The following PCDH15 variants were observed in gnomAD, a reference collection of about 807,000 sequenced individuals.
The protein encoded by PCDH15 is protocadherin related 15.
In PCDH15, 129 loss-of-function variants were observed where a neutral mutation model predicts 178.5. The ratio of observed to expected loss-of-function variants is 0.72; its 90% CI spans 0.63 to 0.84. The LOEUF (loss-of-function observed/expected upper bound fraction) is 0.84. PCDH15 is among the 40% of genes least tolerant of loss of function. The pLI is 0.00. For synonymous variants in PCDH15, 800 were observed against 732.0 expected (o/e 1.09, Z -1.50); for missense variants, 2,230 against 2,099.9 (o/e 1.06, Z -1.21).
chr10:55,317,910 G>A (rs1843769031), intron 1 of PCDH15, among the ~76,000 whole-genome samples: 1 of 152,182 alleles, frequency 6.6e-6, no homozygotes, highest in South Asian at 2.1e-4. Flanking sequence ...GTTTGGGTCT[G>A]CTAAAAACTA....
chr10:54,918,077 C>T (rs978407963), intron 2 of PCDH15, among the ~76,000 whole-genome samples: 4 of 151,114 alleles, frequency 2.6e-5, no homozygotes, highest in African/African-American at 9.7e-5. Context: ...TTATGTTAAA[C>T]ACATCATAAC....
intron 2 of PCDH15, among the ~76,000 whole-genome samples, chr10:55,547,142 G>T (rs1291261787): frequency 6.6e-6 from 1 of 152,132 alleles, no homozygotes; most frequent in African/African-American, 2.4e-5. Flanking sequence ...GCAGCCCGGG[G>T]ACGTTGATAT....
intron 3 of PCDH15, among the ~76,000 whole-genome samples, chr10:54,446,861 A>G (rs1013333075): frequency 6.6e-6 from 1 of 151,558 alleles, no homozygotes; most frequent in Non-Finnish European, 1.5e-5. Flanking sequence ...AAGCAGGAGA[A>G]GATAACTTCA....
intron 2 of PCDH15, among the ~76,000 whole-genome samples, chr10:55,449,950 T>C (rs1312217740): frequency 1.3e-5 from 2 of 152,166 alleles, no homozygotes; most frequent in Non-Finnish European, 2.9e-5. Context: ...CCAATCATTT[T>C]GAGTGTAGGT....
chr10:54,738,347 A>T (rs2065762308), intron 1 of PCDH15, among the ~76,000 whole-genome samples: 1 of 152,110 alleles, frequency 6.6e-6, no homozygotes. Flanking sequence ...CAAAAGACAC[A>T]TCTAGCATAA....
chr10:53,843,325 A>C (rs1481016119), intron 28 of PCDH15, among the ~76,000 whole-genome samples: 3 of 152,184 alleles, frequency 2.0e-5, no homozygotes, highest in African/African-American at 7.2e-5. Flanking sequence ...CTATCTTTTC[A>C]TTTATCATCT....
intron 3 of PCDH15, among the ~76,000 whole-genome samples, chr10:54,838,354 G>A (rs1413341635): frequency 6.6e-6 from 1 of 152,026 alleles, no homozygotes; most frequent in Admixed American, 6.6e-5. Context: ...AGATCTGATG[G>A]TTTTAGAAAA....
At chr10:54,113,901 G>A (rs559386006) in intron 15 of PCDH15, among the ~76,000 whole-genome samples, 4 of 152,220 alleles carry the variant, frequency 2.6e-5, no homozygotes, top group African/African-American at 4.8e-5. Flanking sequence ...AGGCAGAGGA[G>A]GAGAAAGGCA....
At chr10:55,114,513 G>A (rs1026246712) in intron 2 of PCDH15, among the ~76,000 whole-genome samples, 3 of 152,170 alleles carry the variant, frequency 2.0e-5, no homozygotes, top group Non-Finnish European at 4.4e-5. Flanking sequence ...TAAGCACACA[G>A]CTATCTAACT....
At chr10:55,071,284 A>G (rs574300257) in intron 2 of PCDH15, among the ~76,000 whole-genome samples, 119 of 105,858 alleles carry the variant, frequency 1.1e-3, no homozygotes, top group African/African-American at 3.2e-3. Flanking sequence ...AAATGCTCCA[A>G]TTAAAAGACA....
At chr10:54,915,751 T>G (rs2131839029) in intron 2 of PCDH15, among the ~76,000 whole-genome samples, 1 of 152,300 alleles carries the variant, frequency 6.6e-6, no homozygotes, top group Non-Finnish European at 1.5e-5. Context: ...TTAAGAATAT[T>G]TCATTCCCAT....
intron 3 of PCDH15, among the ~76,000 whole-genome samples, chr10:54,510,044 C>A (rs2081509706): frequency 1.3e-5 from 2 of 152,194 alleles, no homozygotes; most frequent in African/African-American, 2.4e-5. Flanking sequence ...CTAATCTACA[C>A]AAATCCTTGG....
chr10:54,884,259 A>C (rs986085022), intron 3 of PCDH15, among the ~76,000 whole-genome samples: 2 of 152,010 alleles, frequency 1.3e-5, no homozygotes, highest in East Asian at 3.9e-4. Flanking sequence ...ATAGGAGATA[A>C]ATTTAGTGCC....
intron 20 of PCDH15, among the ~76,000 whole-genome samples, chr10:53,999,890 A>G (rs1262411509): frequency 6.6e-6 from 1 of 152,156 alleles, no homozygotes; most frequent in Non-Finnish European, 1.5e-5. Context: ...CAGGTCTTGG[A>G]CAAGACCCAG....
chr10:54,929,502 T>G (rs2131851447), intron 2 of PCDH15, among the ~76,000 whole-genome samples: 1 of 152,300 alleles, frequency 6.6e-6, no homozygotes, highest in African/African-American at 2.4e-5. Context: ...ATATAGTCAC[T>G]TTGGAGATCA....
intron 2 of PCDH15, among the ~76,000 whole-genome samples, chr10:55,402,639 C>T (rs1353144373): frequency 3.3e-5 from 5 of 151,962 alleles, no homozygotes; most frequent in Non-Finnish European, 7.4e-5. Flanking sequence ...GATGTTGTTA[C>T]AAATGACAGG....
chr10:54,208,602 G>A (rs1008789453), intron 10 of PCDH15, among the ~76,000 whole-genome samples: 3 of 151,894 alleles, frequency 2.0e-5, no homozygotes, highest in African/African-American at 2.4e-5. Flanking sequence ...ACTAGAACCC[G>A]ACCATATTGA....
intron 2 of PCDH15, among the ~76,000 whole-genome samples, chr10:55,161,913 T>C (rs1388883394): frequency 6.6e-6 from 1 of 152,154 alleles, no homozygotes; most frequent in African/African-American, 2.4e-5. Flanking sequence ...ATTATTCTAG[T>C]AATTTTCTAG....
At position 54,714,393 on chromosome 10, in the gene PCDH15, G is replaced by A. The variant is rs917610811; in HGVS notation, c.-28-50103C>T. Among the ~76,000 whole-genome samples, 8 of 152,062 alleles carry A rather than the reference G, an allele frequency of 5.3e-5. No individual in the cohort carries two copies. In the East Asian group the frequency reaches 5.8e-4, roughly 11 times the overall value. ...ATTCAGATTGTATTTGTGTCCAGTC[G>A]CAATGTATAGGTTCATACATGTAAA... On this transcript the variant is annotated intron_variant, in intron 1 of 37. Transcript: ENST00000644397.
Sources: gnomAD v4.1 joint callset for allele counts (sites outside exome capture counted in the v4.1 genomes callset) on GRCh38, gnomAD v4.1.1 for gene constraint, MANE v1.5 for transcripts, NCBI Gene and HGNC (gene_info 2026-07-23, HGNC 2026-07-21) for gene names.